Variants in ANKDD1A observed in about 807,000 individuals in gnomAD.
ANKDD1A encodes ankyrin repeat and death domain-containing protein 1A.
A neutral mutation model predicts 63.5 loss-of-function variants in ANKDD1A; 59 were observed. The ratio of observed to expected loss-of-function variants is 0.93; its 90% CI spans 0.75 to 1.15. The LOEUF (loss-of-function observed/expected upper bound fraction) is 1.15, where lower values mean the gene tolerates loss of function less well. Ranked by LOEUF, ANKDD1A falls within the 50% of genes most tolerant of loss-of-function variation. The pLI is 0.00. For synonymous variants in ANKDD1A, 266 were observed against 263.9 expected, an observed-to-expected ratio of 1.01 and a Z score of -0.08; for missense variants, 632 against 656.4, an observed-to-expected ratio of 0.96 and a Z score of 0.41.
At chr15:64,915,291 G>A (rs114536268) in intron 1 of ANKDD1A, among the ~76,000 whole-genome samples, 3,210 of 152,284 alleles carry the variant, frequency 0.021, 101 homozygotes, top group African/African-American at 0.068. Context: ...GGCAACAGAG[G>A]GGTTGGAAGA....
chr15:64,926,977 G>A lies in ANKDD1A; in HGVS notation c.548G>A (p.Cys183Tyr). 1.2e-6 allele frequency: 2 copies of A among 1,614,208 alleles called. No individual in the cohort carries two copies. The highest frequency in any genetic ancestry group is 1.3e-5 in the African/African-American group (1 of 75,054). Reference protein sequence around the residue: ...DALDFLVGSGCDHNVKDKEGN... With the variant: ...DALDFLVGSGYDHNVKDKEGN... ...CTGGACTTCCTCGTGGGCTCTGGCT[G>A]TGACCACAATGTCAAAGACAAGGTA... The change falls in exon 6 of 15, where the codon TGT becomes TAT. Residue 183 changes from cysteine to tyrosine, a missense_variant. By Grantham distance (194) the Cys-to-Tyr change is radical. Coordinates refer to ENST00000319580, the MANE Select transcript of ANKDD1A (RefSeq NM_182703.6).
rs1410198139 is a variant in ANKDD1A, at chr15:64,942,476, TCTC to T, written c.881_883del (p.Pro294del). The T allele has an allele frequency of 6.2e-7, 1 of 1,611,830 alleles. No individual in the cohort carries two copies. The highest frequency in any genetic ancestry group is 1.3e-5 in the African/African-American group (1 of 74,780). On this transcript the variant is annotated inframe_deletion, in exon 10 of 15. Transcript: ENST00000319580. ...GTATCTCCTCCCACAGCAGGGTGCCTCTCCTCTGCACCTCGCTGTGAGGCACAA... is the reference window on the plus strand; with the variant it reads ...GTATCTCCTCCCACAGCAGGGTGCCTCTCTGCACCTCGCTGTGAGGCACAA...
chr15:64,912,995 G>A (rs1178696707), intron 1 of ANKDD1A, among the ~76,000 whole-genome samples: 1 of 152,226 alleles, frequency 6.6e-6, no homozygotes, highest in Non-Finnish European at 1.5e-5. Context: ...AGTGGGTATT[G>A]GATGTGGCCA....
rs1036911767 is a variant in ANKDD1A at position 64,951,282 on chromosome 15, T to C, written c.1483+1310T>C. ...CACACTTTGTTTATTTCTTCTTCTTTTTCTTTTCTTCTTCTTCTTCTTCTC... is the reference window on the plus strand; with the variant it reads ...CACACTTTGTTTATTTCTTCTTCTTCTTCTTTTCTTCTTCTTCTTCTTCTC... On this transcript the variant is annotated intron_variant, in intron 14 of 14. Transcript: ENST00000319580. 2.9e-5 allele frequency: 26 copies of C among 908,128 alleles called. No homozygotes were observed. In the South Asian group the frequency reaches 5.9e-4, roughly 21 times the overall value. The allele number at this position is 908,128 out of a possible 1,614,324, so 56.3% of individuals were successfully genotyped here.
At chr15:64,954,737 C>A (rs1343847584) in intron 14 of ANKDD1A, among the ~76,000 whole-genome samples, 1 of 32,344 alleles carries the variant, frequency 3.1e-5, no homozygotes, top group Non-Finnish European at 9.2e-5. Flanking sequence ...CCTTCTTCTT[C>A]CTTCTCCTTC....
chr15:64,926,108 G>T lies in ANKDD1A; in HGVS notation c.409G>T (p.Val137Leu). 7 of 1,614,116 alleles carry T rather than the reference G, an allele frequency of 4.3e-6. No individual in the cohort carries two copies. The highest frequency in any genetic ancestry group is 5.9e-6 in the Non-Finnish European group (7 of 1,180,012). The change falls in exon 5 of 15, where the codon GTG becomes TTG. Residue 137 changes from valine to leucine, a missense_variant. Val to Leu is a conservative substitution (Grantham distance 32). Transcript: ENST00000319580. ...LLHCAAQKGH[V>L]PVLAFIMEDL... Reference sequence around the variant, plus strand: ...GCACTGCGCAGCCCAAAAAGGCCATGTGCCTGTGCTGGCGTTCATAATGGA... The same window carrying T: ...GCACTGCGCAGCCCAAAAAGGCCATTTGCCTGTGCTGGCGTTCATAATGGA...
chr15:64,951,361 T>G, intron 14 of ANKDD1A: 4 of 527,850 alleles, frequency 7.6e-6, no homozygotes, highest in Non-Finnish European at 9.6e-6. Context: ...TTCTTTCTTC[T>G]TCCTCTTTCT....
At chr15:64,937,333 G>A (rs2085142124) in intron 9 of ANKDD1A, among the ~76,000 whole-genome samples, 1 of 152,184 alleles carries the variant, frequency 6.6e-6, no homozygotes, top group African/African-American at 2.4e-5. Context: ...TTTTGCTGCA[G>A]TATCATTTGT....
intron 14 of ANKDD1A, among the ~76,000 whole-genome samples, chr15:64,952,880 C>G (rs111067743): frequency 0.069 from 6,614 of 95,582 alleles, 563 homozygotes; most frequent in African/African-American, 0.21. Context: ...TCTCTTTCTT[C>G]TTCTCCTTCT....
intron 14 of ANKDD1A, 89 bp from the exon 15 acceptor site, chr15:64,957,014 T>C (rs1221218639): frequency 2.3e-6 from 1 of 431,406 alleles, no homozygotes; most frequent in Non-Finnish European, 4.6e-6. Context: ...GCTAAATGTA[T>C]GCTCTTACTC....
intron 12 of ANKDD1A, among the ~76,000 whole-genome samples, chr15:64,945,634 A>T (rs1391634719): frequency 4.1e-5 from 1 of 24,612 alleles, no homozygotes; most frequent in Non-Finnish European, 7.1e-5. Context: ...ATATATATGA[A>T]CTTTTTTTTT....
At position 64,922,035 on chromosome 15, in the gene ANKDD1A, G is replaced by C; in HGVS notation, c.366+16G>C. 6.2e-7 allele frequency: 1 copy of C among 1,611,566 alleles called. No individual in the cohort carries two copies. Among genetic ancestry groups the C allele is most frequent in the Non-Finnish European group, 8.5e-7 (1 of 1,177,962 alleles). ...TGAGAGCAAGGTAAGGCCTCAGCTG[G>C]TAGACCCCTGTCCCCTCGGCTCCCC... On this transcript the variant is annotated intron_variant, in intron 4 of 14. Coordinates refer to ENST00000319580, the MANE Select transcript of ANKDD1A (RefSeq NM_182703.6).
At chr15:64,952,993 C>G (rs1371684910) in intron 14 of ANKDD1A, among the ~76,000 whole-genome samples, 1 of 11,112 alleles carries the variant, frequency 9.0e-5, no homozygotes, top group Non-Finnish European at 4.9e-4. Context: ...TCCTTCTTCT[C>G]CTTCTTAGTT....
intron 13 of ANKDD1A, among the ~76,000 whole-genome samples, chr15:64,948,317 A>G (rs2085239816): frequency 6.6e-6 from 1 of 152,238 alleles, no homozygotes; most frequent in Admixed American, 6.5e-5. Context: ...GTGGCAAGAA[A>G]AAGTATCATA....
At chr15:64,915,725 G>A (rs1357277185) in intron 1 of ANKDD1A, 72 bp from the exon 2 acceptor site, 3 of 1,321,674 alleles carry the variant, frequency 2.3e-6, no homozygotes, top group African/African-American at 2.9e-5. Flanking sequence ...AGTGGAAATG[G>A]GTTGTTTACC....
chr15:64,927,518 G>A (rs917803755), intron 6 of ANKDD1A, among the ~76,000 whole-genome samples: 1 of 152,140 alleles, frequency 6.6e-6, no homozygotes, highest in Non-Finnish European at 1.5e-5. Context: ...GGTAAGGGAC[G>A]GGGACCAGAG....
At position 64,934,503 on chromosome 15, in the gene ANKDD1A, T is replaced by C. The variant is rs556996099; in HGVS notation, c.867+269T>C. Reference sequence around the variant, plus strand: ...TTGGGGCTTTTTTTTTTCTTTTCTTTTTTTTTTTTTTTTTGAGACAGAGTC... The same window carrying C: ...TTGGGGCTTTTTTTTTTCTTTTCTTCTTTTTTTTTTTTTTGAGACAGAGTC... On this transcript the variant is annotated intron_variant, in intron 9 of 14. Coordinates refer to ENST00000319580, the MANE Select transcript of ANKDD1A (RefSeq NM_182703.6). 4.2e-5 allele frequency among the ~76,000 whole-genome samples: 6 copies of C among 143,836 alleles called. No homozygotes were observed. In the South Asian group the frequency reaches 1.3e-3, roughly 32 times the overall value. The allele number at this position is 143,836 out of a possible 152,430, so 94.4% of individuals were successfully genotyped here.
At chr15:64,924,838 A>G (rs1254329929) in intron 4 of ANKDD1A, among the ~76,000 whole-genome samples, 2 of 152,120 alleles carry the variant, frequency 1.3e-5, no homozygotes, top group Admixed American at 1.3e-4. Flanking sequence ...CCTCATGAAA[A>G]TCATCCGTCC....
At chr15:64,943,675 C>A in intron 11 of ANKDD1A, 93 bp downstream of exon 11, 1 of 1,185,806 alleles carries the variant, frequency 8.4e-7, no homozygotes, top group Non-Finnish European at 1.3e-6. Flanking sequence ...TCCTCCTTCT[C>A]AGGGTGTTCA....
Sources: gnomAD v4.1 joint callset for allele counts (sites outside exome capture counted in the v4.1 genomes callset) on GRCh38, gnomAD v4.1.1 for gene constraint, MANE v1.5 for transcripts, NCBI Gene and HGNC (gene_info 2026-07-23, HGNC 2026-07-21) for gene names.